Variants in RABGAP1 observed in about 807,000 individuals in gnomAD.
The protein encoded by RABGAP1 is rab GTPase-activating protein 1.
RABGAP1 carries 23 observed loss-of-function variants against 137.6 expected under a neutral mutation model. The observed-to-expected ratio is 0.17, with a 90% CI of 0.12 to 0.24. The LOEUF (loss-of-function observed/expected upper bound fraction) is 0.24, where lower values mean the gene tolerates loss of function less well. RABGAP1 is among the 10% of genes least tolerant of loss of function. The pLI is 1.00. For missense variants in RABGAP1, 906 were observed against 1,275.8 expected, an observed-to-expected ratio of 0.71 and a Z score of 4.42; for synonymous variants, 451 against 450.7, an observed-to-expected ratio of 1.00 and a Z score of -0.01.
chr9:123,073,769 T>G, intron 16 of RABGAP1, 92 bp downstream of exon 16: 2 of 1,523,448 alleles, frequency 1.3e-6, no homozygotes, highest in Non-Finnish European at 1.8e-6. Context: ...CATTGGTAAT[T>G]GCCTTAGCGA....
At chr9:123,081,415 A>G (rs1452570778) in intron 19 of RABGAP1, among the ~76,000 whole-genome samples, 2 of 152,146 alleles carry the variant, frequency 1.3e-5, no homozygotes, top group Non-Finnish European at 1.5e-5. Flanking sequence ...TAGGAAAAAG[A>G]TAGCTACTTT....
At chr9:123,018,143 C>T (rs190640901) in intron 12 of RABGAP1, among the ~76,000 whole-genome samples, 12 of 152,164 alleles carry the variant, frequency 7.9e-5, no homozygotes, top group Admixed American at 3.9e-4. Context: ...TACAGGTGCC[C>T]GCCACCTCGT....
At chr9:122,959,563 A>G (rs965606751) in intron 2 of RABGAP1, among the ~76,000 whole-genome samples, 1 of 152,196 alleles carries the variant, frequency 6.6e-6, no homozygotes, top group African/African-American at 2.4e-5. Flanking sequence ...AATACAGCAA[A>G]TGAAAAAACA....
At chr9:123,047,255 G>A (rs941674347) in intron 13 of RABGAP1, among the ~76,000 whole-genome samples, 2 of 152,100 alleles carry the variant, frequency 1.3e-5, no homozygotes, top group Admixed American at 6.5e-5. Context: ...ATGTTTGTTC[G>A]AGGAGGTAAA....
intron 1 of RABGAP1, chr9:122,946,117 A>G (rs886841364): frequency 6.6e-6 from 1 of 152,170 alleles, no homozygotes; most frequent in African/African-American, 2.4e-5. Flanking sequence ...TTTAACTATC[A>G]TGAAGGATAA....
At chr9:123,010,551 T>C (rs1231623244) in intron 11 of RABGAP1, 23 bp downstream of exon 11, 2 of 1,598,096 alleles carry the variant, frequency 1.3e-6, no homozygotes, top group African/African-American at 2.7e-5. Flanking sequence ...GATAGCTTAA[T>C]TTATTTTTGG....
At position 122,984,550 on chromosome 9, in the gene RABGAP1, A is replaced by G. The variant is rs201605565; in HGVS notation, c.216A>G (p.Pro72=). ...TAGCAGATGTACTGATGGATCCTCC[A>G]ATGGACGACCAGCCAGGGGAAAAGG... ...KELADVLMDP[P]MDDQPGEKEL... The change falls in exon 3 of 26, where the codon CCA becomes CCG. Residue 72 remains proline, a synonymous_variant. Transcript: ENST00000373647. 4.3e-6 allele frequency: 7 copies of G among 1,614,202 alleles called. No homozygotes were observed. Among genetic ancestry groups the G allele is most frequent in the Admixed American group, 3.3e-5 (2 of 60,016 alleles).
At chr9:123,006,834 C>G (rs753517096) in intron 10 of RABGAP1, among the ~76,000 whole-genome samples, 1 of 152,108 alleles carries the variant, frequency 6.6e-6, no homozygotes, top group African/African-American at 2.4e-5. Flanking sequence ...GTCTCGAACT[C>G]CTGACCTCAG....
At chr9:122,941,334 C>T (rs1833551633) in intron 1 of RABGAP1, among the ~76,000 whole-genome samples, 1 of 152,254 alleles carries the variant, frequency 6.6e-6, no homozygotes, top group Non-Finnish European at 1.5e-5. Flanking sequence ...GGAGCCCCTG[C>T]CCAAACCGGT....
At chr9:122,962,507 T>G (rs959183709) in intron 2 of RABGAP1, among the ~76,000 whole-genome samples, 2 of 151,612 alleles carry the variant, frequency 1.3e-5, no homozygotes, top group Non-Finnish European at 2.9e-5. Flanking sequence ...AGTGACAGAG[T>G]GAGACTCTCT....
At chr9:123,058,058 G>GGGGGAGAA (rs1229766671) in intron 13 of RABGAP1, among the ~76,000 whole-genome samples, 1 of 148,946 alleles carries the variant, frequency 6.7e-6, no homozygotes, top group African/African-American at 2.5e-5. Flanking sequence ...AGAGGGGAGA[G>GGGGGAGAA]GGGGAGAGGG....
chr9:122,974,587 T>C (rs545533300), intron 2 of RABGAP1, among the ~76,000 whole-genome samples: 4 of 151,872 alleles, frequency 2.6e-5, no homozygotes, highest in African/African-American at 9.7e-5. Flanking sequence ...AGCCCAGGAG[T>C]TCTAGACCAG....
At chr9:122,951,003 C>A (rs1015419389) in intron 1 of RABGAP1, among the ~76,000 whole-genome samples, 25 of 152,096 alleles carry the variant, frequency 1.6e-4, no homozygotes, top group Non-Finnish European at 3.1e-4. Flanking sequence ...AGAAATAATT[C>A]TTTGGGTTGT....
At chr9:122,995,541 G>T (rs1836972070) in intron 6 of RABGAP1, among the ~76,000 whole-genome samples, 1 of 149,958 alleles carries the variant, frequency 6.7e-6, no homozygotes, top group African/African-American at 2.5e-5. Flanking sequence ...AAATGCTTTA[G>T]TGGTTTACCT....
chr9:122,955,408 A>T (rs911059953), intron 1 of RABGAP1, among the ~76,000 whole-genome samples: 2 of 152,188 alleles, frequency 1.3e-5, no homozygotes, highest in African/African-American at 4.8e-5. Flanking sequence ...TTTTCTTTGA[A>T]TTTTTCAAAA....
intron 12 of RABGAP1, among the ~76,000 whole-genome samples, chr9:123,017,639 T>C (rs1258016874): frequency 6.6e-6 from 1 of 152,194 alleles, no homozygotes; most frequent in Non-Finnish European, 1.5e-5. Flanking sequence ...CACTTAACTC[T>C]TTTGAGTCTG....
intron 19 of RABGAP1, among the ~76,000 whole-genome samples, chr9:123,077,393 C>A (rs2034548589): frequency 6.6e-6 from 1 of 151,952 alleles, no homozygotes; most frequent in Non-Finnish European, 1.5e-5. Context: ...CTCAAGTGAT[C>A]CTCCCACATT....
In RABGAP1 at chr9:123,059,554, CAA is replaced by C. The variant is rs540379631; in HGVS notation, c.1795-5791_1795-5790del. Among the ~76,000 whole-genome samples the C allele has an allele frequency of 5.9e-3, 894 of 151,994 alleles. 9 individuals are homozygous for C. Among genetic ancestry groups the C allele is most frequent in the African/African-American group, 0.021 (864 of 41,452 alleles). On this transcript the variant is annotated intron_variant, in intron 13 of 25. Coordinates refer to ENST00000373647, the MANE Select transcript of RABGAP1 (RefSeq NM_012197.4). The stretch of plus-strand genomic sequence containing the variant: ...TGGGTGACAGAGCGATACTCCGTCT[CAA>C]AATAAATAAAAATTAAAAAACAAAA...
intron 10 of RABGAP1, 34 bp downstream of exon 10, chr9:122,998,800 A>T (rs375760246): frequency 7.2e-7 from 1 of 1,397,254 alleles, no homozygotes; most frequent in Non-Finnish European, 9.8e-7. Flanking sequence ...AGAAGGGGGA[A>T]TAAGAAAGGA....
Sources: gnomAD v4.1 joint callset for allele counts (sites outside exome capture counted in the v4.1 genomes callset) on GRCh38, gnomAD v4.1.1 for gene constraint, MANE v1.5 for transcripts, NCBI Gene and HGNC (gene_info 2026-07-23, HGNC 2026-07-21) for gene names.